The following IFT122 variants were observed in gnomAD, a reference collection of about 807,000 sequenced individuals.
IFT122 encodes the protein intraflagellar transport 122.
In IFT122, 118 loss-of-function variants were observed where a neutral mutation model predicts 161.6. The ratio of observed to expected loss-of-function variants is 0.73; its 90% CI spans 0.63 to 0.85. The LOEUF is 0.85. IFT122 is among the 40% of genes least tolerant of loss of function. The pLI, the probability that IFT122 is intolerant of heterozygous loss-of-function variation, is 0.00. For synonymous variants in IFT122, 550 were observed against 602.4 expected, an observed-to-expected ratio of 0.91 and a Z score of 1.27; for missense variants, 1,381 against 1,579.6, an observed-to-expected ratio of 0.87 and a Z score of 2.13.
At position 129,519,458 on chromosome 3, in the gene IFT122, G is replaced by C. The variant is rs1022804663; in HGVS notation, c.3472-110G>C. 8 of 1,446,100 alleles carry C rather than the reference G, an allele frequency of 5.5e-6. No individual in the cohort carries two copies. The African/African-American group carries it at 1.1e-4, about 20-fold the overall frequency. 89.6% of individuals were successfully genotyped at this position (1,446,100 alleles called of 1,614,324 possible). ...CCACTGTTAGGGTCACCTGGGTTTA[G>C]GAAGCAGGTCCTCTCTCACCACTGC... On this transcript the variant is annotated intron_variant, in intron 28 of 29. Transcript: ENST00000348417.
At chr3:129,488,477 G>T in intron 16 of IFT122, 80 bp downstream of exon 16, 3 of 1,586,280 alleles carry the variant, frequency 1.9e-6, no homozygotes, top group Non-Finnish European at 2.6e-6. Flanking sequence ...CAGGTGGCAC[G>T]GAGAGGCCAT....
chr3:129,460,775 T>C, intron 4 of IFT122: 1 of 1,117,980 alleles, frequency 8.9e-7, no homozygotes, highest in Non-Finnish European at 1.4e-6. Flanking sequence ...AGTGAAGGAC[T>C]AAAACGGGTT....
At chr3:129,496,490 T>C (rs1191163447) in intron 18 of IFT122, among the ~76,000 whole-genome samples, 1 of 152,212 alleles carries the variant, frequency 6.6e-6, no homozygotes, top group Non-Finnish European at 1.5e-5. Context: ...CCATAACCTA[T>C]TGGTGGGCTA....
intron 2 of IFT122, 89 bp downstream of exon 2, chr3:129,450,026 T>G: frequency 1.2e-6 from 1 of 835,464 alleles, no homozygotes; most frequent in South Asian, 1.5e-5. Flanking sequence ...TTTTTTTTTT[T>G]GAGATTAAAA....
At chr3:129,487,414 G>A (rs1256597595) in intron 15 of IFT122, 1 of 152,360 alleles carries the variant, frequency 6.6e-6, no homozygotes, top group Admixed American at 6.5e-5. Context: ...TCGGTCTCCT[G>A]GGCTGTAGCC....
chr3:129,494,074 CG>C (rs1264193068), intron 17 of IFT122, among the ~76,000 whole-genome samples: 2 of 152,098 alleles, frequency 1.3e-5, no homozygotes, highest in Non-Finnish European at 2.9e-5. Context: ...GTCCTGCTGA[CG>C]GGGGGAAAGA....
At chr3:129,444,756 G>A (rs1002819418) in intron 1 of IFT122, among the ~76,000 whole-genome samples, 10 of 152,076 alleles carry the variant, frequency 6.6e-5, no homozygotes, top group Non-Finnish European at 1.2e-4. Context: ...TCTTGACCTC[G>A]TGATCTGCCT....
At position 129,471,510 on chromosome 3, in the gene IFT122, C is replaced by T. The variant is rs571395283; in HGVS notation, c.816+2093C>T. ...CTCTTGGGAACAAATAACCACACTG[C>T]AGTGGGAGGGAATGGGGTCTTGTTG... is the stretch of plus-strand genomic sequence containing the variant. On this transcript the variant is annotated intron_variant, in intron 9 of 29. Transcript: ENST00000348417. Among the ~76,000 whole-genome samples, 4 of 152,288 alleles carry T rather than the reference C, an allele frequency of 2.6e-5. No individual in the cohort carries two copies. The South Asian group carries it at 8.3e-4, about 32-fold the overall frequency.
rs1391351225 is a variant in IFT122, at chr3:129,488,368, G to C, written c.1963G>C (p.Glu655Gln). ...DWRELAMEAL[E>Q]GLDFETAKKA... Reference sequence around the variant, plus strand: ...GCGTGAACTGGCCATGGAAGCGCTAGAAGGTTTAGATTTTGAAACAGCAAA... The same window carrying C: ...GCGTGAACTGGCCATGGAAGCGCTACAAGGTTTAGATTTTGAAACAGCAAA... Residue 655 changes from glutamate to glutamine, a missense_variant, in exon 16 of 30, where the codon GAA becomes CAA. Physicochemically the swap from Glu to Gln is conservative, Grantham distance 29 (BLOSUM62 2). Coordinates refer to ENST00000348417, the MANE Select transcript of IFT122 (RefSeq NM_052989.3). The C allele has an allele frequency of 2.5e-6, 4 of 1,612,954 alleles. No homozygotes were observed. Among genetic ancestry groups the C allele is most frequent in the Non-Finnish European group, 3.4e-6 (4 of 1,179,996 alleles).
intron 7 of IFT122, among the ~76,000 whole-genome samples, chr3:129,465,283 C>A (rs1022697801): frequency 1.4e-4 from 21 of 151,756 alleles, no homozygotes; most frequent in African/African-American, 5.1e-4. Context: ...AATATGTGCC[C>A]ACCTGTTAAT....
intron 20 of IFT122, among the ~76,000 whole-genome samples, chr3:129,503,757 C>A (rs143379420): frequency 2.0e-5 from 3 of 152,236 alleles, no homozygotes; most frequent in African/African-American, 7.2e-5. Flanking sequence ...TATTAGATTT[C>A]CCAAGCAGCA....
chr3:129,459,965 G>T (rs1257070891), intron 4 of IFT122, among the ~76,000 whole-genome samples: 2 of 151,286 alleles, frequency 1.3e-5, no homozygotes, highest in Non-Finnish European at 2.9e-5. Flanking sequence ...GTTTCACTTT[G>T]TTGCCTGTAC....
chr3:129,478,808 C>T (rs531485186), intron 12 of IFT122, among the ~76,000 whole-genome samples: 1 of 152,244 alleles, frequency 6.6e-6, no homozygotes, highest in Non-Finnish European at 1.5e-5. Context: ...ACTTTAATGA[C>T]TTAAAACATA....
Position 129,461,266 on chromosome 3 carries a change from T to C in IFT122, c.311T>C (p.Ile104Thr). Residue 104 changes from isoleucine (I) to threonine (T), a missense_variant, in exon 5 of 30, where the codon ATT becomes ACT. This residue lies in a region of IFT122 where 134 missense variants were observed against 137.4 expected (regional missense o/e 0.98). Transcript: ENST00000348417. ...DAIQCVSYNPITHQLASCSSS... is the reference protein window; with the variant it reads ...DAIQCVSYNPTTHQLASCSSS... Reference sequence around the variant, plus strand: ...ATACAATGTGTCTCCTACAATCCTATTACTCATCAACTGGCATCTTGTTCC... The same window carrying C: ...ATACAATGTGTCTCCTACAATCCTACTACTCATCAACTGGCATCTTGTTCC... 6.2e-7 allele frequency: 1 copy of C among 1,613,756 alleles called. No homozygotes were observed. The highest frequency in any genetic ancestry group is 8.5e-7 in the Non-Finnish European group (1 of 1,179,636).
chr3:129,464,799 C>T lies in IFT122; in HGVS notation c.563+18C>T, dbSNP rs2108119501. On this transcript the variant is annotated intron_variant, in intron 7 of 29. Coordinates refer to ENST00000348417, the MANE Select transcript of IFT122 (RefSeq NM_052989.3). ...CCTTCAAGGTACTCTTAAAGTTGTC[C>T]TCCTTCTAGAACAAACACCATCATG... 2 of 1,613,924 alleles carry T rather than the reference C, an allele frequency of 1.2e-6. No individual in the cohort carries two copies. Among genetic ancestry groups the T allele is most frequent in the Middle Eastern group, 1.7e-4 (1 of 6,056 alleles).
intron 1 of IFT122, among the ~76,000 whole-genome samples, chr3:129,445,947 C>A (rs1414407536): frequency 6.6e-6 from 1 of 152,186 alleles, no homozygotes; most frequent in East Asian, 1.9e-4. Context: ...AATTCAGAGG[C>A]CCCCCAACCA....
chr3:129,518,589 C>G (rs1279069270), intron 27 of IFT122, among the ~76,000 whole-genome samples: 1 of 152,158 alleles, frequency 6.6e-6, no homozygotes, highest in Non-Finnish European at 1.5e-5. Flanking sequence ...CAGGTGGGTG[C>G]TGTGCCCACT....
chr3:129,450,445 T>C (rs970306308), intron 2 of IFT122, among the ~76,000 whole-genome samples: 1 of 152,236 alleles, frequency 6.6e-6, no homozygotes, highest in Admixed American at 6.5e-5. Flanking sequence ...GAACCCCTTA[T>C]GTTTGACCAA....
intron 15 of IFT122, 42 bp from the exon 16 acceptor site, chr3:129,488,215 C>G: frequency 6.2e-7 from 1 of 1,613,708 alleles, no homozygotes; most frequent in African/African-American, 1.3e-5. Flanking sequence ...TTCCATGGCT[C>G]TGAAAACAGT....
Sources: gnomAD v4.1 joint callset for allele counts (sites outside exome capture counted in the v4.1 genomes callset) on GRCh38, gnomAD v4.1.1 for gene constraint, gnomAD v4.1.1 regional missense constraint, MANE v1.5 for transcripts, NCBI Gene and HGNC (gene_info 2026-07-23, HGNC 2026-07-21) for gene names.